Variants in CXCL17 observed in about 807,000 individuals in gnomAD.
CXCL17 encodes the protein C-X-C motif chemokine ligand 17.
A neutral mutation model predicts 15.5 loss-of-function variants in CXCL17; 9 were observed. The ratio of observed to expected loss-of-function variants is 0.58; its 90% CI spans 0.35 to 1.01. The LOEUF is 1.01. Ranked by LOEUF, CXCL17 falls within the 50% of genes least tolerant of loss-of-function variation. CXCL17 has a pLI of 0.02. For synonymous variants in CXCL17, 52 were observed against 52.3 expected, an observed-to-expected ratio of 0.99 and a Z score of 0.02; for missense variants, 133 against 138.2, an observed-to-expected ratio of 0.96 and a Z score of 0.19.
chr19:42,441,415 G>A (rs1285122698), intron 1 of CXCL17, among the ~76,000 whole-genome samples: 1 of 152,180 alleles, frequency 6.6e-6, no homozygotes, highest in Non-Finnish European at 1.5e-5. Flanking sequence ...AGGGCAAACA[G>A]GTTAGTTTGG....
At chr19:42,438,381 A>AATATATATATATATATATATATAT (rs1201763586) in intron 1 of CXCL17, among the ~76,000 whole-genome samples, 1 of 63,856 alleles carries the variant, frequency 1.6e-5, no homozygotes, top group African/African-American at 7.6e-5. Flanking sequence ...AAAAAAAAAA[A>AATATATATATATATATATATATAT]ATATATATAT....
chr19:42,437,648 C>T (rs2040846798), intron 1 of CXCL17, among the ~76,000 whole-genome samples: 1 of 152,168 alleles, frequency 6.6e-6, no homozygotes, highest in African/African-American at 2.4e-5. Flanking sequence ...TGATGGTTAT[C>T]ATTGTGTTTA....
At chr19:42,438,410 T>TACACAC (rs145217809) in intron 1 of CXCL17, among the ~76,000 whole-genome samples, 35 of 90,018 alleles carry the variant, frequency 3.9e-4, no homozygotes, top group Admixed American at 2.3e-3. Flanking sequence ...ATATATAAAA[T>TACACAC]ACACACACAC....
chr19:42,440,072 G>GA (rs972595810), intron 1 of CXCL17, among the ~76,000 whole-genome samples: 30 of 152,138 alleles, frequency 2.0e-4, no homozygotes, highest in Non-Finnish European at 4.0e-4. Context: ...TTCAAAGTCT[G>GA]AAAAATGAAA....
intron 1 of CXCL17, among the ~76,000 whole-genome samples, chr19:42,438,540 T>G (rs932048616): frequency 6.6e-6 from 1 of 151,252 alleles, no homozygotes; most frequent in East Asian, 1.9e-4. Context: ...TAACTGAAAC[T>G]GCGATTAAGT....
rs937390347 is a variant in CXCL17, at chr19:42,438,408, A to C, written c.79+4346T>G. Reference sequence around the variant, plus strand: ...TATATATATATATATATATATATAAAATACACACACACACACACACACACA... The same window carrying C: ...TATATATATATATATATATATATAACATACACACACACACACACACACACA... On this transcript the variant is annotated intron_variant, in intron 1 of 3. Transcript: ENST00000601181. Among the ~76,000 whole-genome samples, 265 of 90,142 alleles carry C rather than the reference A, an allele frequency of 2.9e-3. 5 individuals carry two copies. The highest frequency in any genetic ancestry group is 0.014 in the African/African-American group (253 of 18,144). The allele number at this position is 90,142 out of a possible 152,430, so 59.1% of individuals were successfully genotyped here. A position where few individuals can be genotyped will look rare whatever the true frequency, so the allele number is the denominator to read the frequency against.
In CXCL17 at chr19:42,429,282, C is replaced by T. The variant is rs2040751486; in HGVS notation, c.263-301G>A. ...CGTCATGTGATCCACCCACCTCGGC[C>T]TCCCAAAGTGCTAGGATTACAGGCA... On this transcript the variant is annotated intron_variant, in intron 3 of 3. Coordinates refer to ENST00000601181, the MANE Select transcript of CXCL17 (RefSeq NM_198477.3). Among the ~76,000 whole-genome samples the T allele has an allele frequency of 3.3e-5, 5 of 151,794 alleles. No homozygotes were observed. The South Asian group carries it at 1.0e-3, about 32-fold the overall frequency.
Position 42,433,075 on chromosome 19 carries a change from A to G in CXCL17, c.163T>C (p.Trp55Arg), listed in dbSNP as rs769727313. Residue 55 changes from tryptophan to arginine, a missense_variant and splice_region_variant, in exon 3 of 4, where the codon TGG becomes CGG. By Grantham distance (101) the Trp-to-Arg change is moderately radical (BLOSUM62 -3). Transcript: ENST00000601181. ...EGGQECECKD[W>R]FLRAPRRKFM... ...TTTCTTCTCGGGGCTCTCAGGAACC[A>G]ATCTGGAACAACAGCATTGCTGCTT... The G allele has an allele frequency of 1.2e-6, 2 of 1,610,712 alleles. No homozygotes were observed. Among genetic ancestry groups the G allele is most frequent in the African/African-American group, 1.3e-5 (1 of 74,826 alleles).
intron 1 of CXCL17, among the ~76,000 whole-genome samples, chr19:42,434,142 T>A (rs1160536979): frequency 6.6e-6 from 1 of 152,120 alleles, no homozygotes; most frequent in Non-Finnish European, 1.5e-5. Flanking sequence ...CTGAGGGGTA[T>A]TTTAATCGAT....
At chr19:42,442,158 TATAC>T (rs780352019) in intron 1 of CXCL17, among the ~76,000 whole-genome samples, 4 of 152,002 alleles carry the variant, frequency 2.6e-5, no homozygotes, top group Non-Finnish European at 5.9e-5. Context: ...TGAGCTAGTA[TATAC>T]ATACATACGT....
At chr19:42,442,643 G>A in intron 1 of CXCL17, 111 bp downstream of exon 1, 2 of 715,564 alleles carry the variant, frequency 2.8e-6, no homozygotes, top group Non-Finnish European at 4.8e-6. Flanking sequence ...ATTGAGAAAG[G>A]CTCACTTGCC....
intron 1 of CXCL17, among the ~76,000 whole-genome samples, chr19:42,438,873 A>G (rs1381304749): frequency 6.6e-6 from 1 of 152,208 alleles, no homozygotes; most frequent in South Asian, 2.1e-4. Context: ...AATATGAGCA[A>G]CATAATAAAT....
At position 42,441,214 on chromosome 19, in the gene CXCL17, G is replaced by T. The variant is rs369307606; in HGVS notation, c.79+1540C>A. Among the ~76,000 whole-genome samples, 4 of 152,300 alleles carry T rather than the reference G, an allele frequency of 2.6e-5. No homozygotes were observed. In the East Asian group the frequency reaches 5.8e-4, roughly 22 times the overall value. ...GGGGGTGGGGGCAGGAAAGGCACAT[G>T]AAGGCCCTCAATATAAGGCAGCAGA... On this transcript the variant is annotated intron_variant, in intron 1 of 3. Transcript: ENST00000601181.
At chr19:42,440,488 A>G (rs1188688056) in intron 1 of CXCL17, among the ~76,000 whole-genome samples, 23 of 151,984 alleles carry the variant, frequency 1.5e-4, no homozygotes, top group Admixed American at 1.4e-3. Flanking sequence ...GCCGCCACCC[A>G]CTCGACGTGG....
At chr19:42,433,639 G>A in intron 2 of CXCL17, 137 bp downstream of exon 2, 1 of 707,464 alleles carries the variant, frequency 1.4e-6, no homozygotes, top group Non-Finnish European at 2.5e-6. Flanking sequence ...GGGCACAGGT[G>A]CTGCATGTGG....
At chr19:42,439,604 T>A (rs2040872171) in intron 1 of CXCL17, among the ~76,000 whole-genome samples, 2 of 152,196 alleles carry the variant, frequency 1.3e-5, no homozygotes, top group Admixed American at 6.5e-5. Flanking sequence ...AACCAAGTGC[T>A]TAAAGTGAAC....
intron 3 of CXCL17, among the ~76,000 whole-genome samples, chr19:42,430,378 C>T (rs1407223269): frequency 6.6e-6 from 1 of 151,998 alleles, no homozygotes; most frequent in Non-Finnish European, 1.5e-5. Flanking sequence ...GGCAGATCAC[C>T]TGAGGTCAGG....
intron 3 of CXCL17, among the ~76,000 whole-genome samples, chr19:42,432,571 C>G (rs1208333727): frequency 6.6e-6 from 1 of 152,036 alleles, no homozygotes; most frequent in East Asian, 1.9e-4. Context: ...GAGTTTGAGA[C>G]CAACCTGGGC....
intron 3 of CXCL17, among the ~76,000 whole-genome samples, chr19:42,431,417 C>A (rs914445182): frequency 1.3e-5 from 2 of 152,152 alleles, no homozygotes; most frequent in African/African-American, 4.8e-5. Flanking sequence ...ATTTCATAAT[C>A]TCAGTGAAGT....
Sources: allele counts gnomAD v4.1 joint callset (sites outside exome capture counted in the v4.1 genomes callset), GRCh38; gene constraint gnomAD v4.1.1; transcripts MANE v1.5; gene names NCBI Gene and HGNC (gene_info 2026-07-23, HGNC 2026-07-21).